The following CTNNA3 variants were observed in gnomAD, a reference collection of about 807,000 sequenced individuals.
CTNNA3 encodes catenin alpha 3, also known as catenin alpha-3.
A neutral mutation model predicts 95.7 loss-of-function variants in CTNNA3; 76 were observed. That is an observed-to-expected ratio of 0.79 (90% CI 0.66 to 0.96). The LOEUF is 0.96. Ranked by LOEUF, CTNNA3 falls within the 40% of genes least tolerant of loss-of-function variation. CTNNA3 has a pLI of 0.00. For synonymous variants in CTNNA3, 431 were observed against 374.4 expected (o/e 1.15, Z -1.74); for missense variants, 1,191 against 1,089.8 (o/e 1.09, Z -1.31).
At chr10:67,158,044 C>T (rs536375563) in intron 7 of CTNNA3, among the ~76,000 whole-genome samples, 109 of 152,012 alleles carry the variant, frequency 7.2e-4, no homozygotes, top group African/African-American at 2.5e-3. Context: ...CCCAGAATTC[C>T]ACCGGGACTG....
At chr10:67,694,367 G>A (rs1385169049) in intron 1 of CTNNA3, among the ~76,000 whole-genome samples, 2 of 151,894 alleles carry the variant, frequency 1.3e-5, no homozygotes, top group African/African-American at 4.8e-5. Context: ...TATATCATTT[G>A]GTAGACTAGG....
chr10:67,294,856 C>A (rs1303391350), intron 5 of CTNNA3, among the ~76,000 whole-genome samples: 1 of 152,144 alleles, frequency 6.6e-6, no homozygotes, highest in Admixed American at 6.5e-5. Context: ...TTATTTACAG[C>A]CCTAATTTTT....
At chr10:67,665,904 A>T (rs1840321338) in intron 1 of CTNNA3, among the ~76,000 whole-genome samples, 1 of 152,254 alleles carries the variant, frequency 6.6e-6, no homozygotes. Context: ...TGTAAATCCC[A>T]AAGTAGAATT....
intron 9 of CTNNA3, among the ~76,000 whole-genome samples, chr10:66,723,496 C>T (rs1564640507): frequency 6.6e-6 from 1 of 151,920 alleles, no homozygotes; most frequent in Non-Finnish European, 1.5e-5. Context: ...CTAAGGTCAT[C>T]AAAAAAAATC....
At chr10:67,660,624 A>G (rs981424257) in intron 1 of CTNNA3, among the ~76,000 whole-genome samples, 2 of 152,182 alleles carry the variant, frequency 1.3e-5, no homozygotes, top group African/African-American at 4.8e-5. Context: ...TCCCAACCTC[A>G]TTCATAATAA....
intron 13 of CTNNA3, among the ~76,000 whole-genome samples, chr10:66,191,043 T>C (rs67108840): frequency 0.047 from 7,209 of 152,182 alleles, 214 homozygotes; most frequent in African/African-American, 0.066. Flanking sequence ...CAAGTCAGAA[T>C]ATTATACTTT....
intron 5 of CTNNA3, among the ~76,000 whole-genome samples, chr10:67,358,569 T>C (rs1842895468): frequency 6.6e-6 from 1 of 151,378 alleles, no homozygotes; most frequent in Non-Finnish European, 1.5e-5. Context: ...AAAGAAGGGG[T>C]GAGTTAAGGA....
At chr10:67,645,440 G>A (rs1388498670) in intron 2 of CTNNA3, among the ~76,000 whole-genome samples, 1 of 152,002 alleles carries the variant, frequency 6.6e-6, no homozygotes, top group Admixed American at 6.6e-5. Context: ...AGCAAATAAG[G>A]GTTATAAACT....
rs574568710 is a variant in CTNNA3, at chr10:66,424,230, T to C, written c.1532-44878A>G. On this transcript the variant is annotated intron_variant, in intron 11 of 17. Coordinates refer to ENST00000433211, the MANE Select transcript of CTNNA3 (RefSeq NM_013266.4). ...ATTATTCAGTCCTGCAAGGGCTTTGTTTATTTTACTAAATTTTCAAAGAAT... is the reference window on the plus strand; with the variant it reads ...ATTATTCAGTCCTGCAAGGGCTTTGCTTATTTTACTAAATTTTCAAAGAAT... Among the ~76,000 whole-genome samples the C allele has an allele frequency of 1.1e-4, 16 of 152,208 alleles. No homozygotes were observed. The South Asian group carries it at 3.3e-3, about 32-fold the overall frequency.
At chr10:67,354,450 T>C (rs776428203) in intron 5 of CTNNA3, among the ~76,000 whole-genome samples, 7 of 152,080 alleles carry the variant, frequency 4.6e-5, no homozygotes, top group Non-Finnish European at 7.4e-5. Flanking sequence ...TGTTTGTAAC[T>C]TGAATTATTC....
chr10:66,226,491 C>T (rs1370272237), intron 13 of CTNNA3, among the ~76,000 whole-genome samples: 1 of 151,628 alleles, frequency 6.6e-6, no homozygotes, highest in Admixed American at 6.6e-5. Context: ...AGTATTATGC[C>T]TCTAGCTTTA....
chr10:66,670,459 A>G (rs74141629), intron 9 of CTNNA3, among the ~76,000 whole-genome samples: 12,497 of 152,110 alleles, frequency 0.082, 1,517 homozygotes, highest in African/African-American at 0.26. Flanking sequence ...CCAGAGATCA[A>G]TCACTTTCCT....
chr10:67,058,706 T>A (rs1046764169), intron 7 of CTNNA3, among the ~76,000 whole-genome samples: 1 of 152,122 alleles, frequency 6.6e-6, no homozygotes, highest in Non-Finnish European at 1.5e-5. Context: ...ATACAAGTAG[T>A]GCAAGCTATT....
chr10:66,775,700 A>C (rs1840268331), intron 7 of CTNNA3, among the ~76,000 whole-genome samples, 176 bp from the exon 8 acceptor site: 1 of 152,192 alleles, frequency 6.6e-6, no homozygotes, highest in Non-Finnish European at 1.5e-5. Context: ...ATGGTGATTA[A>C]AGCTCACATT....
intron 4 of CTNNA3, among the ~76,000 whole-genome samples, chr10:67,538,360 G>GGTCA (rs1481050328): frequency 1.3e-5 from 2 of 151,920 alleles, no homozygotes; most frequent in Non-Finnish European, 2.9e-5. Flanking sequence ...AGGATCACGA[G>GGTCA]GTCAGGAGTT....
At chr10:67,198,953 G>C (rs1282713953) in intron 6 of CTNNA3, among the ~76,000 whole-genome samples, 1 of 151,756 alleles carries the variant, frequency 6.6e-6, no homozygotes, top group Non-Finnish European at 1.5e-5. Flanking sequence ...TCCTATTAAG[G>C]AACAAGAACA....
At chr10:66,923,752 A>G (rs1846914893) in intron 7 of CTNNA3, among the ~76,000 whole-genome samples, 1 of 152,220 alleles carries the variant, frequency 6.6e-6, no homozygotes, top group African/African-American at 2.4e-5. Flanking sequence ...ACTTTCTCCA[A>G]AATTGTTTCC....
intron 5 of CTNNA3, among the ~76,000 whole-genome samples, chr10:67,483,597 G>A (rs1318689467): frequency 6.6e-6 from 1 of 151,470 alleles, no homozygotes; most frequent in African/African-American, 2.4e-5. Context: ...ATCACACTCT[G>A]GGGACTGTTG....
chr10:67,539,401 A>T, intron 4 of CTNNA3, 102 bp downstream of exon 4: 1 of 1,257,310 alleles, frequency 8.0e-7, no homozygotes, highest in South Asian at 1.4e-5. Context: ...GATGTTAAGA[A>T]ATGAGAGTGA....
Sources: gnomAD v4.1 joint callset for allele counts (sites outside exome capture counted in the v4.1 genomes callset) on GRCh38, gnomAD v4.1.1 for gene constraint, MANE v1.5 for transcripts, NCBI Gene and HGNC (gene_info 2026-07-23, HGNC 2026-07-21) for gene names.